The following LRMDA variants were observed in gnomAD, a reference collection of about 807,000 sequenced individuals.
LRMDA encodes leucine rich melanocyte differentiation associated.
A neutral mutation model predicts 29.8 loss-of-function variants in LRMDA; 18 were observed. The ratio of observed to expected loss-of-function variants is 0.60; its 90% CI spans 0.42 to 0.90. The LOEUF is 0.90. Ranked by LOEUF, LRMDA falls within the 40% of genes least tolerant of loss-of-function variation. The pLI, the probability that LRMDA is intolerant of heterozygous loss-of-function variation, is 0.00. For synonymous variants in LRMDA, 125 were observed against 109.4 expected (o/e 1.14, Z -0.89); for missense variants, 273 against 273.9 (o/e 1.00, Z 0.02).
chr10:75,857,006 G>A lies in LRMDA; in HGVS notation c.132-179002G>A, dbSNP rs940441780. 1.5e-4 allele frequency among the ~76,000 whole-genome samples: 23 copies of A among 152,234 alleles called. No homozygotes were observed. In the South Asian group the frequency reaches 3.5e-3, roughly 23 times the overall value. On this transcript the variant is annotated intron_variant, in intron 2 of 6. Transcript: ENST00000611255. ...AAGTCTCAGGATACAAAATCAATGT[G>A]CAAAAATCACAAGCATTCTTATACA...
chr10:75,717,494 G>A (rs779555322), intron 2 of LRMDA, among the ~76,000 whole-genome samples: 10 of 152,216 alleles, frequency 6.6e-5, no homozygotes, highest in African/African-American at 2.4e-4. Context: ...CACCTTGGTG[G>A]CACAGCGAGG....
At chr10:75,749,107 T>C (rs572580016) in intron 2 of LRMDA, among the ~76,000 whole-genome samples, 2 of 152,270 alleles carry the variant, frequency 1.3e-5, no homozygotes, top group South Asian at 2.1e-4. Context: ...GCTTACTCAA[T>C]GTAAAGATAA....
At chr10:75,590,993 C>T (rs574286216) in intron 2 of LRMDA, among the ~76,000 whole-genome samples, 21 of 152,188 alleles carry the variant, frequency 1.4e-4, no homozygotes, top group South Asian at 8.3e-4. Context: ...CTGCCCACCT[C>T]GGCCTCTCAA....
chr10:75,974,442 T>A (rs777119386), intron 2 of LRMDA, among the ~76,000 whole-genome samples: 1 of 152,222 alleles, frequency 6.6e-6, no homozygotes, highest in African/African-American at 2.4e-5. Flanking sequence ...TGGGTGGTTA[T>A]TGAACTTCTC....
At chr10:76,490,331 A>G (rs1186127527) in intron 6 of LRMDA, among the ~76,000 whole-genome samples, 2 of 151,518 alleles carry the variant, frequency 1.3e-5, no homozygotes, top group African/African-American at 4.8e-5. Context: ...TTTCTTTGTT[A>G]TTTTTTTGGC....
chr10:75,892,637 T>C (rs1589243521), intron 2 of LRMDA, among the ~76,000 whole-genome samples: 1 of 152,136 alleles, frequency 6.6e-6, no homozygotes, highest in South Asian at 2.1e-4. Flanking sequence ...GGAAGGATGG[T>C]AATAGCAGCC....
intron 2 of LRMDA, among the ~76,000 whole-genome samples, chr10:75,454,469 G>A (rs1389468173): frequency 6.6e-6 from 1 of 152,128 alleles, no homozygotes; most frequent in East Asian, 1.9e-4. Flanking sequence ...ATACTCTGGG[G>A]TATCGTTTTC....
rs1190716539 is a variant in LRMDA, at chr10:75,595,307, A to C, written c.131+156813A>C. 3.9e-5 allele frequency among the ~76,000 whole-genome samples: 6 copies of C among 152,258 alleles called. No homozygotes were observed. The South Asian group carries it at 8.3e-4, about 21-fold the overall frequency. ...GCTCATGTCAGTCTTGACATTAACCAAACTGAGAAGGATAATAACAAGAAT... is the reference window on the plus strand; with the variant it reads ...GCTCATGTCAGTCTTGACATTAACCCAACTGAGAAGGATAATAACAAGAAT... On this transcript the variant is annotated intron_variant, in intron 2 of 6. Transcript: ENST00000611255.
chr10:75,860,063 C>G (rs1353137948), intron 2 of LRMDA, among the ~76,000 whole-genome samples: 1 of 152,008 alleles, frequency 6.6e-6, no homozygotes, highest in African/African-American at 2.4e-5. Context: ...TACAGAAAAC[C>G]AGACTCTCTA....
Position 76,499,176 on chromosome 10 carries a change from T to C in LRMDA, c.602-58033T>C, listed in dbSNP as rs1265334093. On this transcript the variant is annotated intron_variant, in intron 6 of 6. Transcript: ENST00000611255. ...TAATATATTTACAGAGTTGTGCAACTGTCACCACTATCTAATCTTAGAACA... is the reference window on the plus strand; with the variant it reads ...TAATATATTTACAGAGTTGTGCAACCGTCACCACTATCTAATCTTAGAACA... Among the ~76,000 whole-genome samples the C allele has an allele frequency of 2.7e-5, 2 of 75,334 alleles. 1 individual carries two copies. Among genetic ancestry groups the C allele is most frequent in the African/African-American group, 6.5e-5 (2 of 30,972 alleles). The allele number at this position is 75,334 out of a possible 152,430, so 49.4% of individuals were successfully genotyped here.
At chr10:76,165,639 T>C (rs115775239) in intron 5 of LRMDA, among the ~76,000 whole-genome samples, 2,616 of 152,324 alleles carry the variant, frequency 0.017, 85 homozygotes, top group African/African-American at 0.06. Flanking sequence ...CCTACCATCA[T>C]GGCAGAAGAG....
chr10:76,093,070 T>C (rs1849256081), intron 5 of LRMDA, among the ~76,000 whole-genome samples: 1 of 152,124 alleles, frequency 6.6e-6, no homozygotes, highest in Non-Finnish European at 1.5e-5. Flanking sequence ...GGAGTTTTGC[T>C]CTTGTTGCCC....
At chr10:76,022,406 A>G (rs943310907) in intron 2 of LRMDA, among the ~76,000 whole-genome samples, 6 of 152,370 alleles carry the variant, frequency 3.9e-5, no homozygotes, top group South Asian at 4.1e-4. Flanking sequence ...CTTTTCTTCC[A>G]TCTGCCTGTC....
chr10:75,978,725 G>A (rs1408377169), intron 2 of LRMDA, among the ~76,000 whole-genome samples: 1 of 152,116 alleles, frequency 6.6e-6, no homozygotes, highest in Non-Finnish European at 1.5e-5. Flanking sequence ...GATTTTAGGT[G>A]GCACAAATAC....
intron 2 of LRMDA, among the ~76,000 whole-genome samples, chr10:75,496,930 G>A (rs1471772534): frequency 6.6e-6 from 1 of 151,700 alleles, no homozygotes; most frequent in African/African-American, 2.4e-5. Flanking sequence ...ATGACCTGTG[G>A]ACCCCACCCC....
intron 2 of LRMDA, among the ~76,000 whole-genome samples, chr10:75,764,070 G>A (rs1843130545): frequency 6.6e-6 from 1 of 152,134 alleles, no homozygotes; most frequent in African/African-American, 2.4e-5. Context: ...CCGGCTGAGG[G>A]TGGGGCTGGT....
chr10:75,743,624 C>T (rs1842856888), intron 2 of LRMDA: 1 of 152,198 alleles, frequency 6.6e-6, no homozygotes, highest in Admixed American at 6.5e-5. Flanking sequence ...CTTCACACTT[C>T]ATTTTTCTCC....
At position 75,945,918 on chromosome 10, in the gene LRMDA, T is replaced by C. The variant is rs143723248; in HGVS notation, c.132-90090T>C. Among the ~76,000 whole-genome samples the C allele has an allele frequency of 7.8e-3, 1,189 of 152,308 alleles. 12 individuals are homozygous for C. Among genetic ancestry groups the C allele is most frequent in the Non-Finnish European group, 9.8e-3 (667 of 68,030 alleles). On this transcript the variant is annotated intron_variant, in intron 2 of 6. Transcript: ENST00000611255. Reference sequence around the variant, plus strand: ...ATGTGACTTCTCTGAGGCCATCTGGTATATCATTGCAGATTTTCAACTAGA... The same window carrying C: ...ATGTGACTTCTCTGAGGCCATCTGGCATATCATTGCAGATTTTCAACTAGA...
intron 2 of LRMDA, among the ~76,000 whole-genome samples, chr10:75,486,473 A>T (rs1008495639): frequency 6.6e-6 from 1 of 152,170 alleles, no homozygotes; most frequent in Non-Finnish European, 1.5e-5. Context: ...TTCACCTTGA[A>T]TGTATTAAGG....
Sources: gnomAD v4.1 joint callset for allele counts (sites outside exome capture counted in the v4.1 genomes callset) on GRCh38, gnomAD v4.1.1 for gene constraint, MANE v1.5 for transcripts, NCBI Gene and HGNC (gene_info 2026-07-23, HGNC 2026-07-21) for gene names.